The following ZNF518A variants were observed in gnomAD, a reference collection of about 807,000 sequenced individuals.
The protein encoded by ZNF518A is zinc finger protein 518.
In ZNF518A, 47 loss-of-function variants were observed where a neutral mutation model predicts 102.7. That is an observed-to-expected ratio of 0.46 (90% CI 0.36 to 0.58). ZNF518A has a LOEUF of 0.58. Among genes scored for constraint, ZNF518A ranks in the 20% least tolerant of loss-of-function variants. The pLI is 0.00. For missense variants in ZNF518A, 1,793 were observed against 1,699.8 expected (o/e 1.05, Z -0.96); for synonymous variants, 652 against 594.6 (o/e 1.10, Z -1.40).
chr10:96,178,465 G>A (rs1554891701), intron 1 of ZNF518A, among the ~76,000 whole-genome samples: 1 of 151,960 alleles, frequency 6.6e-6, no homozygotes, highest in Admixed American at 6.6e-5. Context: ...TGTTTGGAGG[G>A]ACATTTTAAA....
At chr10:96,146,421 G>A (rs1418687044) in intron 3 of ZNF518A, among the ~76,000 whole-genome samples, 1 of 152,028 alleles carries the variant, frequency 6.6e-6, no homozygotes, top group East Asian at 1.9e-4. Context: ...ATATTACTGT[G>A]CCTTTTTTTC....
chr10:96,174,739 C>CAGATAGATAGAT lies in ZNF518A; in HGVS notation n.35+18707_35+18718dup, dbSNP rs57745529. Among the ~76,000 whole-genome samples, 565 of 151,116 alleles carry CAGATAGATAGAT rather than the reference C, an allele frequency of 3.7e-3. 2 individuals are homozygous for CAGATAGATAGAT. Among genetic ancestry groups the CAGATAGATAGAT allele is most frequent in the East Asian group, 8.2e-3 (42 of 5,136 alleles). On this transcript the variant is annotated intron_variant and non_coding_transcript_variant, in intron 1 of 2. Transcript: ENST00000442635. Reference sequence around the variant, plus strand: ...TTAGTAAAGTCTACCAAAAAAATTACAGATAGATAGATAGATAGATAGATA... The same window carrying CAGATAGATAGAT: ...TTAGTAAAGTCTACCAAAAAAATTACAGATAGATAGATAGATAGATAGATAGATAGATAGATA...
chr10:96,204,668 T>C (rs782289455), downstream of ZNF518A: 7 of 1,578,910 alleles, frequency 4.4e-6, no homozygotes, highest in Non-Finnish European at 6.1e-6. Flanking sequence ...TCTGTCCTCA[T>C]CCCAAAACCC....
intron 1 of ZNF518A, chr10:96,197,074 T>G: frequency 6.2e-7 from 1 of 1,605,856 alleles, no homozygotes; most frequent in East Asian, 2.2e-5. Flanking sequence ...CTGTTTAATT[T>G]TTTTTAAAAA....
At chr10:96,152,728 A>C (rs2082510434) in intron 3 of ZNF518A, among the ~76,000 whole-genome samples, 2 of 152,236 alleles carry the variant, frequency 1.3e-5, no homozygotes, top group Admixed American at 1.3e-4. Context: ...TGTATAGCGT[A>C]TTACTGTACT....
chr10:96,136,415 C>T (rs931932249), intron 3 of ZNF518A, among the ~76,000 whole-genome samples: 3 of 149,520 alleles, frequency 2.0e-5, no homozygotes, highest in African/African-American at 4.9e-5. Context: ...TTCTTCTTAC[C>T]TTTCCCTTTT....
chr10:96,131,727 C>T lies in ZNF518A; in HGVS notation c.-452-859C>T, dbSNP rs587716080. ...AACCACAATGAACACCCACTGTGTG[C>T]ATTGATAATGTATGAACTTTTAAAT... On this transcript the variant is annotated intron_variant, in intron 1 of 5. Transcript: ENST00000316045. Among the ~76,000 whole-genome samples the T allele has an allele frequency of 1.5e-3, 222 of 152,330 alleles. No homozygotes were observed. In the Middle Eastern group the frequency reaches 0.031, roughly 21 times the overall value.
chr10:96,189,071 A>G (rs1319830752), intron 1 of ZNF518A, among the ~76,000 whole-genome samples: 1 of 152,160 alleles, frequency 6.6e-6, no homozygotes, highest in Non-Finnish European at 1.5e-5. Context: ...GTTTTAGTTC[A>G]CATGTATATT....
chr10:96,153,422 C>T (rs2082546157), intron 3 of ZNF518A, among the ~76,000 whole-genome samples: 1 of 152,188 alleles, frequency 6.6e-6, no homozygotes, highest in Non-Finnish European at 1.5e-5. Flanking sequence ...AATTAACCAT[C>T]ACAGATTGCT....
At chr10:96,201,141 G>A in intron 1 of ZNF518A, 1 of 1,245,018 alleles carries the variant, frequency 8.0e-7, no homozygotes. Context: ...ACTGTACTAG[G>A]TGCTGCCAGG....
chr10:96,149,396 CTGG>C (rs2082325036), intron 3 of ZNF518A, among the ~76,000 whole-genome samples: 1 of 152,202 alleles, frequency 6.6e-6, no homozygotes, highest in Non-Finnish European at 1.5e-5. Context: ...TCCCCTGTGC[CTGG>C]TCTCCCCTAA....
chr10:96,158,214 C>T lies in ZNF518A; in HGVS notation c.1892C>T (p.Ser631Phe). Residue 631 changes from serine to phenylalanine, a missense_variant, in exon 6 of 6, where the codon TCC becomes TTC. Physicochemically the swap from Ser to Phe is radical, Grantham distance 155. Coordinates refer to ENST00000316045, the MANE Select transcript of ZNF518A (RefSeq NM_001330736.2). ...GGCAACTGTGAGTTACCTGTTGAAT[C>T]CTCCAACCAAGGATCATTACCTTTT... ...NYGNCELPVE[S>F]SNQGSLPFHN... 6.2e-6 allele frequency: 10 copies of T among 1,613,612 alleles called. No individual in the cohort carries two copies. The highest frequency in any genetic ancestry group is 8.5e-6 in the Non-Finnish European group (10 of 1,179,716).
At position 96,157,623 on chromosome 10, in the gene ZNF518A, T is replaced by C; in HGVS notation, c.1301T>C (p.Leu434Pro). The change falls in exon 6 of 6, where the codon CTA becomes CCA. Residue 434 changes from leucine (L) to proline (P), a missense_variant. Leu to Pro is a moderately conservative substitution (Grantham distance 98). Around this residue, in one of 3 missense-constraint regions of ZNF518A, gnomAD observed 1,741 missense variants for 1,622.6 expected, o/e 1.07. Coordinates refer to ENST00000316045, the MANE Select transcript of ZNF518A (RefSeq NM_001330736.2). Reference sequence around the variant, plus strand: ...AATGTAATGATGAAAAATAATAAACTAGCAGTTTCCCCTAACTATAATGCT... The same window carrying C: ...AATGTAATGATGAAAAATAATAAACCAGCAGTTTCCCCTAACTATAATGCT... ...LKNVMMKNNK[L>P]AVSPNYNATF... The C allele has an allele frequency of 1.2e-6, 2 of 1,613,830 alleles. No individual in the cohort carries two copies. Among genetic ancestry groups the C allele is most frequent in the South Asian group, 2.2e-5 (2 of 91,078 alleles).
At chr10:96,196,044 T>C (rs187970286) in intron 1 of ZNF518A, among the ~76,000 whole-genome samples, 288 of 152,336 alleles carry the variant, frequency 1.9e-3, no homozygotes, top group African/African-American at 6.8e-3. Context: ...AATCATGACA[T>C]TTTCCAACAA....
At chr10:96,134,366 G>A (rs1298223452) in intron 3 of ZNF518A, among the ~76,000 whole-genome samples, 4 of 152,294 alleles carry the variant, frequency 2.6e-5, no homozygotes, top group East Asian at 3.9e-4. Context: ...GAGTAGCTGG[G>A]ACTATAGGCG....
At chr10:96,196,136 T>G (rs10491069) in intron 1 of ZNF518A, among the ~76,000 whole-genome samples, 60,602 of 152,116 alleles carry the variant, frequency 0.4, 12,943 homozygotes, top group Middle Eastern at 0.6. Flanking sequence ...ATTTCTTACC[T>G]TGAATTTTGT....
In ZNF518A at chr10:96,200,078, G is replaced by C. The variant is rs782434041; in HGVS notation, n.36-3496G>C. Reference sequence around the variant, plus strand: ...TAAATAATAAAAATGATCAGACCTTGTTTGATCTGTGCAATGCCTCTTCAG... The same window carrying C: ...TAAATAATAAAAATGATCAGACCTTCTTTGATCTGTGCAATGCCTCTTCAG... On this transcript the variant is annotated intron_variant and non_coding_transcript_variant, in intron 1 of 2. Coordinates refer to the ZNF518A transcript ENST00000442635. The surrounding 1 kb of genome is among the most constrained non-coding windows in gnomAD (Gnocchi z 4.3). 6.2e-7 allele frequency: 1 copy of C among 1,604,076 alleles called. No homozygotes were observed. The highest frequency in any genetic ancestry group is 8.5e-7 in the Non-Finnish European group (1 of 1,173,740).
In ZNF518A at chr10:96,159,962, T is replaced by G. The variant is rs782765057; in HGVS notation, c.3640T>G (p.Cys1214Gly). ...AATTGTGATAACTTCTACTGCAACA[T>G]GCCCAGAATCTTCTGAGGAACCAAT... ...NEIVITSTAT[C>G]PESSEEPICV... The change falls in exon 6 of 6, where the codon TGC becomes GGC. Residue 1214 changes from cysteine to glycine, a missense_variant. Coordinates refer to ENST00000316045, the MANE Select transcript of ZNF518A (RefSeq NM_001330736.2). 2.5e-6 allele frequency: 4 copies of G among 1,613,394 alleles called. No individual in the cohort carries two copies. In the Admixed American group the frequency reaches 5.0e-5, roughly 20 times the overall value.
At chr10:96,181,432 C>G (rs1288664043) in intron 1 of ZNF518A, among the ~76,000 whole-genome samples, 1 of 152,144 alleles carries the variant, frequency 6.6e-6, no homozygotes, top group Non-Finnish European at 1.5e-5. Context: ...TGCCTATGTC[C>G]TGAATGGTAT....
Sources: allele counts gnomAD v4.1 joint callset (sites outside exome capture counted in the v4.1 genomes callset), GRCh38; gene constraint gnomAD v4.1.1; regional missense constraint gnomAD v4.1.1; non-coding constraint Gnocchi (gnomAD v3.1); transcripts MANE v1.5; gene names NCBI Gene and HGNC (gene_info 2026-07-23, HGNC 2026-07-21).